SHANK2: variants seen among roughly 807,000 people sequenced by gnomAD.
The protein encoded by SHANK2 is SH3 and multiple ankyrin repeat domains 2.
In SHANK2, 43 loss-of-function variants were observed where a neutral mutation model predicts 133.7. That is an observed-to-expected ratio of 0.32 (90% CI 0.25 to 0.41). The LOEUF is 0.41. SHANK2 is among the 10% of genes least tolerant of loss of function. The pLI is 1.00. For synonymous variants in SHANK2, 1,017 were observed against 952.8 expected (o/e 1.07, Z -1.24); for missense variants, 1,994 against 2,235.8 (o/e 0.89, Z 2.18).
intron 11 of SHANK2, chr11:70,863,547 T>A (rs782618607): frequency 2.2e-6 from 1 of 457,952 alleles, no homozygotes. Flanking sequence ...ATTTTAACTC[T>A]GGATCCCAGT....
At chr11:70,921,046 C>T (rs1344788899) in intron 10 of SHANK2, among the ~76,000 whole-genome samples, 2 of 152,120 alleles carry the variant, frequency 1.3e-5, no homozygotes, top group East Asian at 1.9e-4. Context: ...TGAAATGTCT[C>T]GCCATACCAG....
chr11:71,187,195 C>T (rs76450429), intron 2 of SHANK2, among the ~76,000 whole-genome samples: 4,641 of 152,286 alleles, frequency 0.03, 106 homozygotes, highest in African/African-American at 0.062. Context: ...TCCCAATCTG[C>T]CTGTTAATCA....
At chr11:70,668,015 G>A (rs1944713073) in intron 15 of SHANK2, 1 of 152,192 alleles carries the variant, frequency 6.6e-6, no homozygotes, top group South Asian at 2.1e-4. Flanking sequence ...CAATCCAGCT[G>A]TTACATCCTG....
At chr11:70,841,868 C>T (rs1948911685) in intron 11 of SHANK2, among the ~76,000 whole-genome samples, 2 of 152,178 alleles carry the variant, frequency 1.3e-5, no homozygotes, top group Admixed American at 6.5e-5. Context: ...CGTCAGCTCC[C>T]AAATCTTCTC....
chr11:70,947,362 T>TTC (rs1665462279), intron 10 of SHANK2, among the ~76,000 whole-genome samples: 1 of 150,806 alleles, frequency 6.6e-6, no homozygotes, highest in Non-Finnish European at 1.5e-5. Flanking sequence ...CATTTTTTTT[T>TTC]TTTTTTTTTG....
chr11:70,500,424 C>T lies in SHANK2; in HGVS notation c.2308+146G>A, dbSNP rs565969542. On this transcript the variant is annotated intron_variant, in intron 21 of 25. Coordinates refer to ENST00000601538, the MANE Select transcript of SHANK2 (RefSeq NM_012309.5). The surrounding 1 kb of genome is among the most constrained non-coding windows in gnomAD (Gnocchi z 4.5). ...ACAGACAGATGAATGTGCTCCAGGG[C>T]GGCAGGGCTCCTCGGGCAGGACCCA... 1.4e-5 allele frequency: 14 copies of T among 1,013,396 alleles called. No homozygotes were observed. The highest frequency in any genetic ancestry group is 4.2e-5 in the South Asian group (3 of 71,764). 62.8% of individuals were successfully genotyped at this position (1,013,396 alleles called of 1,614,324 possible).
chr11:70,526,450 A>G (rs2059398255), intron 17 of SHANK2, among the ~76,000 whole-genome samples: 1 of 152,164 alleles, frequency 6.6e-6, no homozygotes, highest in African/African-American at 2.4e-5. Flanking sequence ...GCAGGGCCTG[A>G]TTGCCATGCC....
chr11:70,907,086 C>T (rs1046502153), intron 10 of SHANK2, among the ~76,000 whole-genome samples: 26 of 152,216 alleles, frequency 1.7e-4, no homozygotes, highest in African/African-American at 5.8e-4. Flanking sequence ...CCTGAAGTGC[C>T]GGCTCAGGGG....
At chr11:70,729,171 T>C (rs1417236617) in intron 14 of SHANK2, among the ~76,000 whole-genome samples, 3 of 146,386 alleles carry the variant, frequency 2.0e-5, no homozygotes, top group Non-Finnish European at 3.0e-5. Flanking sequence ...CACTCCAGCC[T>C]GGGTAACAGA....
chr11:70,849,550 G>A (rs1265331145), intron 11 of SHANK2, among the ~76,000 whole-genome samples: 5 of 152,126 alleles, frequency 3.3e-5, no homozygotes, highest in African/African-American at 1.2e-4. Context: ...GCATAACCCT[G>A]GGCAAGTGCC....
At chr11:70,695,096 T>C (rs894600791) in intron 15 of SHANK2, among the ~76,000 whole-genome samples, 1 of 152,100 alleles carries the variant, frequency 6.6e-6, no homozygotes, top group Non-Finnish European at 1.5e-5. Context: ...TCATCTGAGG[T>C]TCCTAGAGTC....
chr11:70,653,947 C>A (rs2061372250), intron 17 of SHANK2, among the ~76,000 whole-genome samples: 2 of 152,190 alleles, frequency 1.3e-5, no homozygotes, highest in African/African-American at 4.8e-5. Context: ...TGAGATACTC[C>A]CAGGGTCTCC....
chr11:70,745,243 C>T (rs1424030385), intron 14 of SHANK2, among the ~76,000 whole-genome samples: 2 of 152,234 alleles, frequency 1.3e-5, no homozygotes, highest in Non-Finnish European at 2.9e-5. Context: ...TCACTGCCTG[C>T]CTTTGAGCCT....
chr11:70,930,836 G>GTT (rs375465175), intron 10 of SHANK2, among the ~76,000 whole-genome samples: 2,295 of 140,454 alleles, frequency 0.016, 60 homozygotes, highest in African/African-American at 0.05. Flanking sequence ...ACACCCAGCG[G>GTT]TTTTTTTTTT....
At chr11:70,602,726 T>G (rs531342530) in intron 17 of SHANK2, among the ~76,000 whole-genome samples, 1 of 152,392 alleles carries the variant, frequency 6.6e-6, no homozygotes, top group East Asian at 1.9e-4. Flanking sequence ...ATGATTGGAC[T>G]GGAATTATAT....
At position 70,896,491 on chromosome 11, in the gene SHANK2, G is replaced by A. The variant is rs1211268055; in HGVS notation, c.1174+10C>T. ...AAATCCCAACACAGTTTCTCCACGT[G>A]CCTACTCACCAATGTCTGTTTCCTT... is the stretch of plus-strand genomic sequence containing the variant. On this transcript the variant is annotated intron_variant, in intron 11 of 25. Coordinates refer to ENST00000601538, the MANE Select transcript of SHANK2 (RefSeq NM_012309.5). The A allele has an allele frequency of 5.6e-6, 4 of 714,496 alleles. No individual in the cohort carries two copies. Among genetic ancestry groups the A allele is most frequent in the South Asian group, 1.5e-5 (1 of 67,034 alleles). The allele number at this position is 714,496 out of a possible 1,614,324, so 44.3% of individuals were successfully genotyped here.
intron 2 of SHANK2, among the ~76,000 whole-genome samples, chr11:71,179,667 T>C (rs1293970538): frequency 6.6e-6 from 1 of 152,186 alleles, no homozygotes; most frequent in Non-Finnish European, 1.5e-5. Context: ...GAAGACATGA[T>C]TGTCCCCATA....
chr11:70,599,059 A>G (rs1358765625), intron 17 of SHANK2, among the ~76,000 whole-genome samples: 1 of 151,898 alleles, frequency 6.6e-6, no homozygotes, highest in Non-Finnish European at 1.5e-5. Flanking sequence ...TAGCTAGCGG[A>G]GAAAAAAAGA....
At chr11:70,798,587 CA>C (rs1555049770) in intron 13 of SHANK2, 31 bp from the exon 14 acceptor site, 3 of 717,874 alleles carry the variant, frequency 4.2e-6, no homozygotes, top group African/African-American at 3.5e-5. Flanking sequence ...GAGGTGTTAG[CA>C]GGGGGGACGT....
Sources: gnomAD v4.1 joint callset for allele counts (sites outside exome capture counted in the v4.1 genomes callset) on GRCh38, gnomAD v4.1.1 for gene constraint, Gnocchi (gnomAD v3.1) non-coding constraint, MANE v1.5 for transcripts, NCBI Gene and HGNC (gene_info 2026-07-23, HGNC 2026-07-21) for gene names.